TDRD10: variants seen among roughly 807,000 people sequenced by gnomAD.
TDRD10 encodes tudor domain containing 10, also known as tudor domain-containing protein 10.
Under a neutral mutation model 48.0 loss-of-function variants are expected in TDRD10, and 40 were observed. The observed-to-expected ratio is 0.83, with a 90% CI of 0.65 to 1.09. TDRD10 has a LOEUF of 1.09. Among genes scored for constraint, TDRD10 ranks in the 50% least tolerant of loss-of-function variants. The pLI is 0.00. For synonymous variants in TDRD10, 162 were observed against 170.4 expected (o/e 0.95, Z 0.38); for missense variants, 378 against 434.7 (o/e 0.87, Z 1.16).
intron 6 of TDRD10, among the ~76,000 whole-genome samples, chr1:154,534,906 G>A (rs1570962805): frequency 6.6e-6 from 1 of 152,184 alleles, no homozygotes; most frequent in Admixed American, 6.5e-5. Flanking sequence ...AAGGATGTGA[G>A]TTTTCAGATA....
chr1:154,503,353 C>T (rs1166919443), intron 1 of TDRD10, among the ~76,000 whole-genome samples: 4 of 152,046 alleles, frequency 2.6e-5, no homozygotes, highest in Admixed American at 6.6e-5. Flanking sequence ...TTTGGGAGGC[C>T]GAGGCGGGCA....
Position 154,547,764 on chromosome 1 carries a change from C to T in TDRD10, c.*54C>T, listed in dbSNP as rs374412303. 1,308 of 1,599,246 alleles carry T rather than the reference C, an allele frequency of 8.2e-4. 6 individuals carry two copies. Among genetic ancestry groups the T allele is most frequent in the Middle Eastern group, 6.0e-3 (27 of 4,534 alleles). On this transcript the variant is annotated 3_prime_UTR_variant, in exon 13 of 13. Coordinates refer to ENST00000368482, the MANE Select transcript of TDRD10 (RefSeq NM_182499.4). ...CTGTTTGCCACGGATCCAGAGGCCA[C>T]CTGCCCTGTCTTCTCGTACCCCTTT...
intron 4 of TDRD10, among the ~76,000 whole-genome samples, chr1:154,512,536 G>A (rs569732975): frequency 1.3e-5 from 2 of 152,216 alleles, no homozygotes; most frequent in East Asian, 3.9e-4. Context: ...TAGAGATGGG[G>A]TTTCTCCATG....
At chr1:154,540,813 A>G (rs1029155446) in intron 6 of TDRD10, among the ~76,000 whole-genome samples, 1 of 152,218 alleles carries the variant, frequency 6.6e-6, no homozygotes, top group Non-Finnish European at 1.5e-5. Context: ...GGGATGTGCC[A>G]GTGTTGAGCA....
chr1:154,525,240 G>A (rs1053365467), intron 6 of TDRD10, among the ~76,000 whole-genome samples: 6 of 152,212 alleles, frequency 3.9e-5, no homozygotes, highest in Admixed American at 1.3e-4. Context: ...TACTGGGAAA[G>A]AGAATCATGG....
At chr1:154,504,957 A>T (rs1304712819) in intron 1 of TDRD10, among the ~76,000 whole-genome samples, 1 of 152,194 alleles carries the variant, frequency 6.6e-6, no homozygotes, top group African/African-American at 2.4e-5. Flanking sequence ...ATTGCACTCC[A>T]GCCTGGGCGA....
chr1:154,526,761 G>C (rs1215689615), intron 6 of TDRD10, among the ~76,000 whole-genome samples: 2 of 145,408 alleles, frequency 1.4e-5, no homozygotes, highest in Non-Finnish European at 3.0e-5. Flanking sequence ...CCTAATTTTT[G>C]TATTTTTTGG....
In TDRD10 at chr1:154,510,769, A is replaced by C. The variant is rs190970276; in HGVS notation, c.141+2288A>C. 8.2e-3 allele frequency among the ~76,000 whole-genome samples: 1,248 copies of C among 151,350 alleles called. 20 individuals are homozygous for C. The highest frequency in any genetic ancestry group is 0.029 in the African/African-American group (1,213 of 41,270). On this transcript the variant is annotated intron_variant, in intron 4 of 12. Coordinates refer to ENST00000368482, the MANE Select transcript of TDRD10 (RefSeq NM_182499.4). ...GTATTTTAAAAAAACTTTTCAGGCCAGGCGCGGTGGCTCACGCCTGTAATT... is the reference window on the plus strand; with the variant it reads ...GTATTTTAAAAAAACTTTTCAGGCCCGGCGCGGTGGCTCACGCCTGTAATT...
chr1:154,536,655 C>T (rs191396205), intron 6 of TDRD10, among the ~76,000 whole-genome samples: 20 of 152,336 alleles, frequency 1.3e-4, no homozygotes, highest in African/African-American at 4.6e-4. Context: ...ACATTTCAGT[C>T]GCCCAAAAGA....
intron 6 of TDRD10, among the ~76,000 whole-genome samples, chr1:154,538,952 T>A (rs965161500): frequency 6.6e-6 from 1 of 152,144 alleles, no homozygotes; most frequent in Middle Eastern, 3.2e-3. Flanking sequence ...GTAGTTAACT[T>A]GCACTGAGGA....
intron 4 of TDRD10, among the ~76,000 whole-genome samples, chr1:154,512,318 A>G (rs1693528669): frequency 6.6e-6 from 1 of 151,944 alleles, no homozygotes; most frequent in Non-Finnish European, 1.5e-5. Context: ...GTGTCTTAGT[A>G]CTTTGTTCCT....
At chr1:154,510,985 G>T (rs1374953587) in intron 4 of TDRD10, among the ~76,000 whole-genome samples, 1 of 151,844 alleles carries the variant, frequency 6.6e-6, no homozygotes, top group Non-Finnish European at 1.5e-5. Context: ...GGCGGAGCTT[G>T]CAGTGAGCTG....
intron 4 of TDRD10, among the ~76,000 whole-genome samples, chr1:154,511,067 A>G (rs1417806275): frequency 6.6e-6 from 1 of 151,808 alleles, no homozygotes; most frequent in African/African-American, 2.4e-5. Context: ...AATTTAAAAT[A>G]TATATAATAT....
chr1:154,525,091 C>G (rs1283824771), intron 6 of TDRD10, among the ~76,000 whole-genome samples: 1 of 152,222 alleles, frequency 6.6e-6, no homozygotes, highest in African/African-American at 2.4e-5. Flanking sequence ...GTGGTGCTCA[C>G]ATGCTTTCCT....
At chr1:154,535,517 C>G (rs574594190) in intron 6 of TDRD10, among the ~76,000 whole-genome samples, 2 of 152,080 alleles carry the variant, frequency 1.3e-5, no homozygotes, top group East Asian at 3.9e-4. Flanking sequence ...CTGGGCAACC[C>G]TGTCGACAAA....
chr1:154,516,498 G>A (rs941273634), intron 4 of TDRD10, among the ~76,000 whole-genome samples: 3 of 152,136 alleles, frequency 2.0e-5, no homozygotes, highest in Non-Finnish European at 4.4e-5. Context: ...GTTCTCTGCT[G>A]AATAGAAAGG....
At position 154,541,381 on chromosome 1, in the gene TDRD10, G is replaced by A. The variant is rs560478318; in HGVS notation, c.370-643G>A. On this transcript the variant is annotated intron_variant, in intron 6 of 12. Transcript: ENST00000368482. The stretch of plus-strand genomic sequence containing the variant: ...ATGAAGAGGCAAGTTAATGGGCAGG[G>A]GTTGTGGGCGTTTTGAAGAAAGGAG... Among the ~76,000 whole-genome samples the A allele has an allele frequency of 1.5e-4, 23 of 152,296 alleles. No homozygotes were observed. The South Asian group carries it at 4.6e-3, about 30-fold the overall frequency.
In TDRD10 at chr1:154,502,644, C is replaced by T. The variant is rs958471144; in HGVS notation, c.-413C>T. The T allele has an allele frequency of 2.0e-5, 3 of 152,294 alleles. No homozygotes were observed. The highest frequency in any genetic ancestry group is 7.2e-5 in the African/African-American group (3 of 41,450). The allele number at this position is 152,294 out of a possible 1,614,324, so 9.4% of individuals were successfully genotyped here. A position where few individuals can be genotyped will look rare whatever the true frequency, so the allele number is the denominator to read the frequency against. Reference sequence around the variant, plus strand: ...TGCCGCCGACAGCCCGCGTCTGCACCGAGCCGGTCTCGGCCGGGCGCTGCC... The same window carrying T: ...TGCCGCCGACAGCCCGCGTCTGCACTGAGCCGGTCTCGGCCGGGCGCTGCC... On this transcript the variant is annotated 5_prime_UTR_variant, in exon 1 of 13. Transcript: ENST00000368482.
At chr1:154,536,671 C>A (rs1022824402) in intron 6 of TDRD10, among the ~76,000 whole-genome samples, 1 of 152,216 alleles carries the variant, frequency 6.6e-6, no homozygotes, top group Non-Finnish European at 1.5e-5. Context: ...AAAGATTCCC[C>A]CTTCAGGGCC....
Sources: allele counts gnomAD v4.1 joint callset (sites outside exome capture counted in the v4.1 genomes callset), GRCh38; gene constraint gnomAD v4.1.1; transcripts MANE v1.5; gene names NCBI Gene and HGNC (gene_info 2026-07-23, HGNC 2026-07-21).